The following TOGARAM1 variants were observed in gnomAD, a reference collection of about 807,000 sequenced individuals.
TOGARAM1 encodes the protein TOG array regulator of axonemal microtubules 1, also known as TOG array regulator of axonemal microtubules protein 1.
In TOGARAM1, 100 loss-of-function variants were observed where a neutral mutation model predicts 166.6. The ratio of observed to expected loss-of-function variants is 0.60; its 90% confidence interval spans 0.51 to 0.71. TOGARAM1 has a LOEUF of 0.71. Among genes scored for constraint, TOGARAM1 ranks in the 30% least tolerant of loss-of-function variants. The pLI is 0.00. For missense variants in TOGARAM1, 2,029 were observed against 2,102.7 expected (o/e 0.96, Z 0.69); for synonymous variants, 758 against 763.8 (o/e 0.99, Z 0.13).
intron 5 of TOGARAM1, chr14:45,007,444 A>G (rs925184955): frequency 2.0e-5 from 3 of 151,960 alleles, no homozygotes; most frequent in African/African-American, 4.8e-5. Context: ...ACCTGATCCT[A>G]CATAATTTTG....
At chr14:44,985,283 A>G (rs1479048619) in intron 1 of TOGARAM1, among the ~76,000 whole-genome samples, 1 of 152,206 alleles carries the variant, frequency 6.6e-6, no homozygotes, top group African/African-American at 2.4e-5. Context: ...AAGTGCTGGG[A>G]TTAACAGGCG....
chr14:44,989,837 A>G (rs1887035054), intron 1 of TOGARAM1, among the ~76,000 whole-genome samples: 1 of 152,234 alleles, frequency 6.6e-6, no homozygotes, highest in South Asian at 2.1e-4. Context: ...TATAAAGAAA[A>G]GAAGTTTAAT....
At chr14:45,062,193 G>T (rs1368282897) in intron 16 of TOGARAM1, among the ~76,000 whole-genome samples, 1 of 151,942 alleles carries the variant, frequency 6.6e-6, no homozygotes, top group Non-Finnish European at 1.5e-5. Context: ...TTTTCTACTT[G>T]TTCTATCAAT....
chr14:44,964,919 T>C (rs954161917), intron 1 of TOGARAM1, among the ~76,000 whole-genome samples: 1 of 100,818 alleles, frequency 9.9e-6, no homozygotes, highest in African/African-American at 4.0e-5. Flanking sequence ...GCAGGAATAC[T>C]GAAGACAGAA....
chr14:44,994,697 G>A (rs1035577481), intron 1 of TOGARAM1, among the ~76,000 whole-genome samples: 1 of 152,176 alleles, frequency 6.6e-6, no homozygotes, highest in African/African-American at 2.4e-5. Context: ...GTGATTACAG[G>A]TGTGAGCTAC....
rs1288088845 is a variant in TOGARAM1 at position 44,962,786 on chromosome 14, G to A, written c.365G>A (p.Arg122Gln). The A allele has an allele frequency of 6.2e-7, 1 of 1,612,430 alleles. No homozygotes were observed. Among genetic ancestry groups the A allele is most frequent in the African/African-American group, 1.3e-5 (1 of 74,926 alleles). The change falls in exon 1 of 20, where the codon CGG becomes CAG. Residue 122 changes from arginine (R) to glutamine (Q), a missense_variant. By Grantham distance (43) the Arg-to-Gln change is conservative. Around this residue, in one of 2 missense-constraint regions of TOGARAM1, gnomAD observed 1,453 missense variants for 1,432.2 expected, o/e 1.01. Coordinates refer to ENST00000361462, the MANE Select transcript of TOGARAM1 (RefSeq NM_001308120.2). Reference protein sequence around the residue: ...AFQALQAALPRRGGRLGFPRR... With the variant: ...AFQALQAALPQRGGRLGFPRR... ...CAGGCTTTGCAAGCTGCTTTGCCGC[G>A]GCGGGGCGGTCGACTTGGCTTCCCC...
chr14:44,984,176 G>A (rs2138766350), intron 1 of TOGARAM1, among the ~76,000 whole-genome samples: 1 of 152,134 alleles, frequency 6.6e-6, no homozygotes, highest in South Asian at 2.1e-4. Context: ...TTTATTAAGA[G>A]TAACAGTATT....
chr14:45,049,057 CAAAAAAAAAAAAAAAAAA>C (rs71108678), intron 14 of TOGARAM1, among the ~76,000 whole-genome samples: 13 of 47,300 alleles, frequency 2.7e-4, no homozygotes, highest in African/African-American at 9.4e-4. Context: ...ACAAACTTCT[CAAAAAAAAAAAAAAAAAA>C]AAAAAAAAAA....
chr14:44,997,010 A>AGG (rs1887445250), intron 2 of TOGARAM1: 1 of 152,302 alleles, frequency 6.6e-6, no homozygotes, highest in Non-Finnish European at 1.5e-5. Context: ...AAACTGTATC[A>AGG]GAGAGCAAGG....
In TOGARAM1 at chr14:44,963,065, T is replaced by C. The variant is rs1885279121; in HGVS notation, c.644T>C (p.Leu215Pro). 6.2e-7 allele frequency: 1 copy of C among 1,613,888 alleles called. No individual in the cohort carries two copies. Among genetic ancestry groups the C allele is most frequent in the African/African-American group, 1.3e-5 (1 of 74,906 alleles). Reference protein sequence around the residue: ...ICLKRSPGEVLRTLIQQGLES... With the variant: ...ICLKRSPGEVPRTLIQQGLES... Reference sequence around the variant, plus strand: ...CTGAAACGTAGTCCTGGAGAGGTGCTGAGAACGCTTATACAACAAGGACTG... The same window carrying C: ...CTGAAACGTAGTCCTGGAGAGGTGCCGAGAACGCTTATACAACAAGGACTG... The change falls in exon 1 of 20, where the codon CTG (leucine) becomes CCG (proline). Residue 215 changes from leucine to proline, a missense_variant. Around this residue, in one of 2 missense-constraint regions of TOGARAM1, gnomAD observed 1,453 missense variants for 1,432.2 expected, o/e 1.01. Transcript: ENST00000361462.
In TOGARAM1 at chr14:44,962,242, C is replaced by G. The variant is rs1885175412; in HGVS notation, c.-180C>G. 1.5e-6 allele frequency: 1 copy of G among 656,348 alleles called. No individual in the cohort carries two copies. The highest frequency in any genetic ancestry group is 2.6e-5 in the South Asian group (1 of 38,758). 40.7% of individuals were successfully genotyped at this position (656,348 alleles called of 1,614,324 possible). ...GCAGCTGTGGGGTCTAGGGCTCAGA[C>G]GGGGGCCATTTTGCCAGAGGCTGCC... On this transcript the variant is annotated 5_prime_UTR_variant, in exon 1 of 20. Coordinates refer to ENST00000361462, the MANE Select transcript of TOGARAM1 (RefSeq NM_001308120.2).
intron 7 of TOGARAM1, among the ~76,000 whole-genome samples, chr14:45,018,598 A>G (rs761886611): frequency 6.6e-6 from 1 of 152,170 alleles, no homozygotes; most frequent in South Asian, 2.1e-4. Context: ...GCATTTTAGG[A>G]CATGAATATT....
intron 1 of TOGARAM1, among the ~76,000 whole-genome samples, chr14:44,969,146 C>CTT (rs954925770): frequency 5.3e-5 from 7 of 131,262 alleles, no homozygotes; most frequent in Admixed American, 2.2e-4. Flanking sequence ...TCCTTCCTTC[C>CTT]TTTCTTTCTT....
chr14:44,975,991 A>AT (rs1287336272), intron 1 of TOGARAM1, among the ~76,000 whole-genome samples: 3 of 151,958 alleles, frequency 2.0e-5, no homozygotes, highest in Non-Finnish European at 2.9e-5. Flanking sequence ...CTGTTTATAG[A>AT]TTTTTTTAAA....
At chr14:45,065,601 C>A (rs1883104850) in intron 16 of TOGARAM1, among the ~76,000 whole-genome samples, 1 of 152,114 alleles carries the variant, frequency 6.6e-6, no homozygotes, top group Non-Finnish European at 1.5e-5. Flanking sequence ...ACTGTCATTG[C>A]CATAATAATT....
chr14:45,014,085 G>A (rs549339519), intron 7 of TOGARAM1, among the ~76,000 whole-genome samples: 6 of 138,074 alleles, frequency 4.3e-5, no homozygotes, highest in African/African-American at 1.7e-4. Flanking sequence ...TCGCTCTGTC[G>A]CTGAGGCTAG....
rs190225899 is a variant in TOGARAM1, at chr14:45,071,677, C to T, written c.4970-35C>T. On this transcript the variant is annotated intron_variant, in intron 18 of 19. Coordinates refer to ENST00000361462, the MANE Select transcript of TOGARAM1 (RefSeq NM_001308120.2). ...GGAAAGTAACTAAGAGCTCATTACT[C>T]TTTAAACATGTGTCTCTGTGTTCTT... is the stretch of plus-strand genomic sequence containing the variant. The T allele has an allele frequency of 4.5e-4, 668 of 1,477,092 alleles. 4 individuals carry two copies. In the African/African-American group the frequency reaches 8.0e-3, roughly 18 times the overall value. 91.5% of individuals were successfully genotyped at this position (1,477,092 alleles called of 1,614,324 possible).
intron 7 of TOGARAM1, among the ~76,000 whole-genome samples, chr14:45,015,261 T>C (rs10138272): frequency 0.16 from 24,329 of 151,548 alleles, 3,653 homozygotes; most frequent in African/African-American, 0.4. Context: ...GCCAAGATAG[T>C]GCCAATGTAT....
intron 7 of TOGARAM1, chr14:45,025,324 G>A (rs1482089638): frequency 6.5e-6 from 1 of 152,998 alleles, no homozygotes; most frequent in Admixed American, 6.5e-5. Context: ...CCAGCACTTT[G>A]GGAGGCCGAG....
Sources: allele counts gnomAD v4.1 joint callset (sites outside exome capture counted in the v4.1 genomes callset), GRCh38; gene constraint gnomAD v4.1.1; regional missense constraint gnomAD v4.1.1; transcripts MANE v1.5; gene names NCBI Gene and HGNC (gene_info 2026-07-23, HGNC 2026-07-21).